The following SPECC1 variants were observed in gnomAD, a reference collection of about 807,000 sequenced individuals.
SPECC1 encodes sperm antigen with calponin homology and coiled-coil domains 1.
Under a neutral mutation model 104.1 loss-of-function variants are expected in SPECC1, and 62 were observed. The observed-to-expected ratio is 0.60, with a 90% confidence interval of 0.49 to 0.74. The LOEUF (loss-of-function observed/expected upper bound fraction) is 0.74. SPECC1 is among the 30% of genes least tolerant of loss of function. The pLI is 0.00. For synonymous variants in SPECC1, 513 were observed against 501.6 expected (o/e 1.02, Z -0.30); for missense variants, 1,306 against 1,310.5 (o/e 1.00, Z 0.05).
At chr17:20,102,867 G>A (rs1306443160) in intron 2 of SPECC1, among the ~76,000 whole-genome samples, 8 of 152,214 alleles carry the variant, frequency 5.3e-5, no homozygotes, top group South Asian at 2.1e-4. Context: ...ATTTGTTATC[G>A]TTATAGTTGG....
chr17:20,263,823 G>A (rs1310596002), intron 12 of SPECC1, among the ~76,000 whole-genome samples: 1 of 152,156 alleles, frequency 6.6e-6, no homozygotes, highest in African/African-American at 2.4e-5. Context: ...ATGCAGGGAA[G>A]AGACAGACAA....
intron 4 of SPECC1, among the ~76,000 whole-genome samples, chr17:20,215,038 C>T (rs1206988095): frequency 6.6e-6 from 1 of 152,256 alleles, no homozygotes; most frequent in Non-Finnish European, 1.5e-5. Context: ...CCCAGGCCTG[C>T]AAGCCCAGGC....
intron 1 of SPECC1, 37 bp from the exon 2 acceptor site, chr17:20,096,594 T>C (rs2047655387): frequency 4.5e-6 from 7 of 1,568,610 alleles, no homozygotes; most frequent in Non-Finnish European, 5.2e-6. Context: ...CAGGTTCAAG[T>C]GATGGAGACA....
intron 7 of SPECC1, among the ~76,000 whole-genome samples, chr17:20,244,510 G>T (rs1362625070): frequency 6.6e-6 from 1 of 151,816 alleles, no homozygotes; most frequent in Non-Finnish European, 1.5e-5. Flanking sequence ...TCACTCATAA[G>T]AAGGGACTGT....
Position 20,317,258 on chromosome 17 carries a change from A to ATTTTTTTTTTTTTTTTTTTTTTT in SPECC1, c.*3193_*3194insTTTTTTTTTTTTTTTTTTTTTTT, listed in dbSNP as rs1173603591. The ATTTTTTTTTTTTTTTTTTTTTTT allele has an allele frequency of 5.4e-5, 2 of 37,372 alleles. No individual in the cohort carries two copies. Among genetic ancestry groups the ATTTTTTTTTTTTTTTTTTTTTTT allele is most frequent in the Non-Finnish European group, 8.8e-5 (2 of 22,838 alleles). The allele number at this position is 37,372 out of a possible 1,614,324, so 2.3% of individuals were successfully genotyped here. A position where few individuals can be genotyped will look rare whatever the true frequency, so the allele number is the denominator to read the frequency against. ...GGCAAGACCTCTGACTCTATAAAAA[A>ATTTTTTTTTTTTTTTTTTTTTTT]ATTTTTTTTTTTTTTTTTTTTTGAG... On this transcript the variant is annotated 3_prime_UTR_variant, in exon 15 of 15. Coordinates refer to ENST00000395527, the MANE Select transcript of SPECC1 (RefSeq NM_001243439.2).
rs938341330 is a variant in SPECC1 at position 20,316,679 on chromosome 17, T to TG, written c.*2615dup. The TG allele has an allele frequency of 2.3e-5, 4 of 175,046 alleles. No homozygotes were observed. Among genetic ancestry groups the TG allele is most frequent in the African/African-American group, 1.1e-4 (4 of 37,736 alleles). The allele number at this position is 175,046 out of a possible 1,614,324, so 10.8% of individuals were successfully genotyped here. A position where few individuals can be genotyped will look rare whatever the true frequency, so the allele number is the denominator to read the frequency against. On this transcript the variant is annotated 3_prime_UTR_variant, in exon 15 of 15. Transcript: ENST00000395527. ...GCCACTGAGCCCGGCTGTTTTTTTG[T>TG]GTTTTTTTTGTTGTTGTTTGTTTGT...
At chr17:20,119,090 T>C (rs1337919816) in intron 3 of SPECC1, among the ~76,000 whole-genome samples, 5 of 152,222 alleles carry the variant, frequency 3.3e-5, no homozygotes, top group Non-Finnish European at 5.9e-5. Flanking sequence ...GTGAATAATT[T>C]ATATAGACTG....
At position 20,318,033 on chromosome 17, in the gene SPECC1, G is replaced by A. The variant is rs573712409; in HGVS notation, c.*3968G>A. 1 of 230,294 alleles carries A rather than the reference G, an allele frequency of 4.3e-6. No homozygotes were observed. The highest frequency in any genetic ancestry group is 2.2e-5 in the African/African-American group (1 of 45,154). The allele number at this position is 230,294 out of a possible 1,614,324, so 14.3% of individuals were successfully genotyped here. The stretch of plus-strand genomic sequence containing the variant: ...CATCTTATTTTTTCTATACTCAGCA[G>A]AGTGTGCCATTCCCAGTTTCTGTCC... On this transcript the variant is annotated 3_prime_UTR_variant, in exon 15 of 15. Coordinates refer to ENST00000395527, the MANE Select transcript of SPECC1 (RefSeq NM_001243439.2).
intron 3 of SPECC1, chr17:20,112,595 A>C: frequency 3.5e-6 from 3 of 854,988 alleles, no homozygotes; most frequent in Middle Eastern, 3.4e-4. Flanking sequence ...TTGCTGTGCA[A>C]ATCTTAAACA....
intron 3 of SPECC1, among the ~76,000 whole-genome samples, chr17:20,199,843 G>A (rs193210821): frequency 1.3e-5 from 2 of 152,256 alleles, no homozygotes; most frequent in Non-Finnish European, 2.9e-5. Context: ...AGGCTGGCGT[G>A]CAGTGGCGTG....
At chr17:20,304,106 T>C (rs181140861) in intron 13 of SPECC1, among the ~76,000 whole-genome samples, 1,031 of 102,192 alleles carry the variant, frequency 0.01, 17 homozygotes, top group African/African-American at 0.036. Flanking sequence ...ACCCCTTCTC[T>C]ACTAAAAATA....
Position 20,096,633 on chromosome 17 carries a change from CA to C in SPECC1, c.-18del. 3 of 1,604,698 alleles carry C rather than the reference CA, an allele frequency of 1.9e-6. No homozygotes were observed. In the African/African-American group the frequency reaches 4.0e-5, roughly 21 times the overall value. On this transcript the variant is annotated 5_prime_UTR_variant, in exon 2 of 15. Transcript: ENST00000395527. ...TTTTCTTTTCTGCTCTTTTGCAGGA[CA>C]GACCCACGAAGTCAAGCATGCGGAG... is the stretch of plus-strand genomic sequence containing the variant.
At chr17:20,301,145 A>G (rs1424384870) in intron 13 of SPECC1, among the ~76,000 whole-genome samples, 1 of 152,122 alleles carries the variant, frequency 6.6e-6, no homozygotes, top group Non-Finnish European at 1.5e-5. Flanking sequence ...GGCCATATCT[A>G]TCACAGTTAC....
chr17:20,219,942 C>T (rs1343922175), intron 4 of SPECC1, among the ~76,000 whole-genome samples: 1 of 152,014 alleles, frequency 6.6e-6, no homozygotes, highest in Non-Finnish European at 1.5e-5. Context: ...CTGTCTTTTC[C>T]TCAATATATG....
At chr17:20,049,827 T>A (rs2045673391) in intron 1 of SPECC1, among the ~76,000 whole-genome samples, 1 of 152,070 alleles carries the variant, frequency 6.6e-6, no homozygotes, top group Admixed American at 6.6e-5. Flanking sequence ...TTTTATTTAT[T>A]TATTAATTTT....
At chr17:20,042,801 T>C (rs1028790625) in intron 1 of SPECC1, among the ~76,000 whole-genome samples, 7 of 152,142 alleles carry the variant, frequency 4.6e-5, no homozygotes, top group Admixed American at 3.3e-4. Flanking sequence ...TCTGAGATAA[T>C]GAAGCAAAAA....
At chr17:20,198,232 A>G (rs1021940612) in intron 3 of SPECC1, among the ~76,000 whole-genome samples, 2 of 152,240 alleles carry the variant, frequency 1.3e-5, no homozygotes, top group Non-Finnish European at 2.9e-5. Flanking sequence ...GGGCCCCGTC[A>G]TCTTTAATCC....
chr17:20,012,285 G>C (rs2043969731), intron 1 of SPECC1, among the ~76,000 whole-genome samples: 1 of 151,914 alleles, frequency 6.6e-6, no homozygotes, highest in Non-Finnish European at 1.5e-5. Context: ...TGGTAATTCA[G>C]GTTTTCTGCA....
chr17:20,228,373 C>T (rs2038365839), intron 5 of SPECC1, among the ~76,000 whole-genome samples: 1 of 152,056 alleles, frequency 6.6e-6, no homozygotes, highest in South Asian at 2.1e-4. Flanking sequence ...TTTGGCTGTG[C>T]TGGATGTGTT....
Sources: allele counts gnomAD v4.1 joint callset (sites outside exome capture counted in the v4.1 genomes callset), GRCh38; gene constraint gnomAD v4.1.1; transcripts MANE v1.5; gene names NCBI Gene and HGNC (gene_info 2026-07-23, HGNC 2026-07-21).